Variants in TRAT1 observed in about 807,000 individuals in gnomAD.
TRAT1 encodes the protein T-cell receptor-associated transmembrane adapter 1.
TRAT1 carries 20 observed loss-of-function variants against 20.0 expected under a neutral mutation model. The ratio of observed to expected loss-of-function variants is 1.00; its 90% confidence interval spans 0.70 to 1.45. The LOEUF (loss-of-function observed/expected upper bound fraction) is 1.45, where lower values mean the gene tolerates loss of function less well. TRAT1 is among the 40% of genes most tolerant of loss of function. TRAT1 has a pLI of 0.00. For synonymous variants in TRAT1, 77 were observed against 74.2 expected, an observed-to-expected ratio of 1.04 and a Z score of -0.20; for missense variants, 237 against 224.1, an observed-to-expected ratio of 1.06 and a Z score of -0.37.
chr3:108,845,796 C>T (rs900986709), intron 3 of TRAT1, among the ~76,000 whole-genome samples: 2 of 151,970 alleles, frequency 1.3e-5, no homozygotes, highest in African/African-American at 4.8e-5. Context: ...TGAAATGCGA[C>T]TCTCACCACC....
chr3:108,828,364 T>C (rs1945761694), intron 1 of TRAT1, among the ~76,000 whole-genome samples: 1 of 152,214 alleles, frequency 6.6e-6, no homozygotes, highest in Non-Finnish European at 1.5e-5. Flanking sequence ...TAGAAATAAG[T>C]GTAACAGTAT....
At chr3:108,841,551 T>G (rs559959264) in intron 3 of TRAT1, among the ~76,000 whole-genome samples, 3 of 152,262 alleles carry the variant, frequency 2.0e-5, no homozygotes, top group East Asian at 3.9e-4. Context: ...ACATGGTTTG[T>G]GGCCATAGAG....
At chr3:108,851,487 A>G (rs1945997554) in intron 5 of TRAT1, among the ~76,000 whole-genome samples, 1 of 152,088 alleles carries the variant, frequency 6.6e-6, no homozygotes, top group African/African-American at 2.4e-5. Context: ...TCCAAAGCCA[A>G]TGCTCTTATT....
At chr3:108,839,108 T>C (rs1318935289) in intron 3 of TRAT1, 141 bp downstream of exon 3, 16 of 658,710 alleles carry the variant, frequency 2.4e-5, no homozygotes, top group Non-Finnish European at 4.3e-5. Context: ...ACTTTTACTC[T>C]CATCTAAAGA....
Position 108,827,384 on chromosome 3 carries a change from ATGTGTGTG to A in TRAT1, c.8-3256_8-3249del, listed in dbSNP as rs71103493. Among the ~76,000 whole-genome samples, 575 of 145,148 alleles carry A rather than the reference ATGTGTGTG, an allele frequency of 4.0e-3. 6 individuals are homozygous for A. Among genetic ancestry groups the A allele is most frequent in the East Asian group, 0.014 (69 of 4,968 alleles). ...AAGGGGAGGTATAAAGTATGTGTGT[ATGTGTGTG>A]TGTGTGTGTGTGTGTGTGTGTGTGT... On this transcript the variant is annotated intron_variant, in intron 1 of 5. Transcript: ENST00000295756.
rs767802673 is a variant in TRAT1, at chr3:108,822,889, T to TC, written c.-38dup. 1 of 1,594,712 alleles carries TC rather than the reference T, an allele frequency of 6.3e-7. No individual in the cohort carries two copies. Among genetic ancestry groups the TC allele is most frequent in the Non-Finnish European group, 8.6e-7 (1 of 1,163,890 alleles). On this transcript the variant is annotated 5_prime_UTR_variant, in exon 1 of 6. Coordinates refer to ENST00000295756, the MANE Select transcript of TRAT1 (RefSeq NM_016388.4). ...GGAGGATTTTTAATCCATATATTTGTCTTATGGCTAGATAAAGATTTCTCT... is the reference window on the plus strand; with the variant it reads ...GGAGGATTTTTAATCCATATATTTGTCCTTATGGCTAGATAAAGATTTCTCT...
At chr3:108,828,779 T>G (rs2107506520) in intron 1 of TRAT1, among the ~76,000 whole-genome samples, 1 of 152,298 alleles carries the variant, frequency 6.6e-6, no homozygotes, top group South Asian at 2.1e-4. Context: ...GACTACAACA[T>G]GAAGTTCAAC....
chr3:108,842,815 T>C (rs968638007), intron 3 of TRAT1, among the ~76,000 whole-genome samples: 7 of 152,200 alleles, frequency 4.6e-5, no homozygotes, highest in African/African-American at 1.7e-4. Context: ...GTGAGCTCAT[T>C]GTGCTTAACA....
intron 3 of TRAT1, among the ~76,000 whole-genome samples, chr3:108,841,976 G>A (rs553095264): frequency 9.2e-5 from 14 of 152,242 alleles, no homozygotes; most frequent in Non-Finnish European, 1.5e-4. Flanking sequence ...ATCATATGAA[G>A]AATAAGGTTT....
intron 2 of TRAT1, among the ~76,000 whole-genome samples, chr3:108,835,138 T>A (rs1945827376): frequency 6.6e-6 from 1 of 152,118 alleles, no homozygotes; most frequent in South Asian, 2.1e-4. Context: ...ATCAGAGAAA[T>A]TTCATTATGG....
intron 2 of TRAT1, among the ~76,000 whole-genome samples, chr3:108,833,801 CACA>C (rs1945815717): frequency 1.2e-5 from 1 of 85,144 alleles, no homozygotes; most frequent in East Asian, 1.1e-3. Context: ...GTAAGAATTA[CACA>C]CACACACACA....
rs1946030779 is a variant in TRAT1, at chr3:108,854,896, A to G, written c.*1019A>G. ...CTTCTCTCTGTTTCATCAGAAACAC[A>G]TACTATAATACTTGTCTCTGTCCTT... is the stretch of plus-strand genomic sequence containing the variant. On this transcript the variant is annotated 3_prime_UTR_variant, in exon 6 of 6. Transcript: ENST00000295756. The G allele has an allele frequency of 6.6e-6, 1 of 152,186 alleles. No individual in the cohort carries two copies. Among genetic ancestry groups the G allele is most frequent in the African/African-American group, 2.4e-5 (1 of 41,468 alleles). 9.4% of individuals were successfully genotyped at this position (152,186 alleles called of 1,614,324 possible). A position where few individuals can be genotyped will look rare whatever the true frequency, so the allele number is the denominator to read the frequency against.
intron 2 of TRAT1, among the ~76,000 whole-genome samples, chr3:108,834,837 T>G (rs1945824944): frequency 6.6e-6 from 1 of 152,230 alleles, no homozygotes; most frequent in Non-Finnish European, 1.5e-5. Flanking sequence ...CTCCCCTTGA[T>G]GTTTTCTGTA....
In TRAT1 at chr3:108,853,903, T is replaced by G. The variant is rs1463886491; in HGVS notation, c.*26T>G. 1 of 1,606,536 alleles carries G rather than the reference T, an allele frequency of 6.2e-7. No individual in the cohort carries two copies. The highest frequency in any genetic ancestry group is 1.7e-5 in the Admixed American group (1 of 59,500). ...CTGGACCATGATCTAGTTCAATGATTTGGCTCCTATTGAAGATGGCTTCTA... is the reference window on the plus strand; with the variant it reads ...CTGGACCATGATCTAGTTCAATGATGTGGCTCCTATTGAAGATGGCTTCTA... On this transcript the variant is annotated 3_prime_UTR_variant, in exon 6 of 6. Coordinates refer to ENST00000295756, the MANE Select transcript of TRAT1 (RefSeq NM_016388.4).
Position 108,854,060 on chromosome 3 carries a change from A to G in TRAT1, c.*183A>G. ...TGCATGCCAAATGTAAGGCCATGAA[A>G]ATCAGTATTTCAAATAACTTAAAAA... On this transcript the variant is annotated 3_prime_UTR_variant, in exon 6 of 6. Coordinates refer to ENST00000295756, the MANE Select transcript of TRAT1 (RefSeq NM_016388.4). 1 of 531,738 alleles carries G rather than the reference A, an allele frequency of 1.9e-6. No homozygotes were observed. The highest frequency in any genetic ancestry group is 3.0e-5 in the Admixed American group (1 of 32,926). 32.9% of individuals were successfully genotyped at this position (531,738 alleles called of 1,614,324 possible).
intron 1 of TRAT1, among the ~76,000 whole-genome samples, chr3:108,823,786 T>C (rs1394944213): frequency 6.6e-6 from 1 of 152,220 alleles, no homozygotes; most frequent in Non-Finnish European, 1.5e-5. Context: ...TGCATAATCA[T>C]TTTAAATGAA....
chr3:108,827,482 C>A (rs2715712), intron 1 of TRAT1, among the ~76,000 whole-genome samples: 1 of 150,572 alleles, frequency 6.6e-6, no homozygotes, highest in Non-Finnish European at 1.5e-5. Flanking sequence ...TAATATCTAC[C>A]CTTCTCATGT....
At position 108,828,272 on chromosome 3, in the gene TRAT1, G is replaced by A. The variant is rs539677327; in HGVS notation, c.8-2398G>A. Among the ~76,000 whole-genome samples the A allele has an allele frequency of 2.0e-5, 3 of 152,234 alleles. No homozygotes were observed. In the East Asian group the frequency reaches 5.8e-4, roughly 29 times the overall value. On this transcript the variant is annotated intron_variant, in intron 1 of 5. Coordinates refer to ENST00000295756, the MANE Select transcript of TRAT1 (RefSeq NM_016388.4). Reference sequence around the variant, plus strand: ...GTAGAAAGGAGATCGATTTTTATTAGTGTTCCCGAGGCTCATGAGTGCTAG... The same window carrying A: ...GTAGAAAGGAGATCGATTTTTATTAATGTTCCCGAGGCTCATGAGTGCTAG...
chr3:108,846,446 G>A (rs576173839), intron 3 of TRAT1, among the ~76,000 whole-genome samples: 1 of 152,130 alleles, frequency 6.6e-6, no homozygotes, highest in African/African-American at 2.4e-5. Context: ...GTGAGTTTTT[G>A]ATACAATGTA....
Sources: allele counts gnomAD v4.1 joint callset (sites outside exome capture counted in the v4.1 genomes callset), GRCh38; gene constraint gnomAD v4.1.1; transcripts MANE v1.5; gene names NCBI Gene and HGNC (gene_info 2026-07-23, HGNC 2026-07-21).